FRAS1: variants seen among roughly 807,000 people sequenced by gnomAD.
FRAS1 encodes the protein extracellular matrix organizing protein FRAS1.
FRAS1 carries 290 observed loss-of-function variants against 435.2 expected under a neutral mutation model. That is an observed-to-expected ratio of 0.67 (90% confidence interval 0.61 to 0.73). The LOEUF is 0.73. Among genes scored for constraint, FRAS1 ranks in the 30% least tolerant of loss-of-function variants. The probability of loss-of-function intolerance (pLI) is 0.00; values close to 1 mark genes in which losing one functional copy is unlikely to be tolerated. For missense variants in FRAS1, 4,860 were observed against 5,001.5 expected (o/e 0.97, Z 0.85); for synonymous variants, 1,800 against 1,851.0 (o/e 0.97, Z 0.71).
intron 2 of FRAS1, among the ~76,000 whole-genome samples, chr4:78,086,046 G>A (rs951550121): frequency 1.2e-4 from 19 of 152,134 alleles, no homozygotes; most frequent in Non-Finnish European, 2.5e-4. Context: ...CTCAGCAAAT[G>A]TAAAAGAACA....
At chr4:78,449,056 T>G (rs1189852308) in intron 44 of FRAS1, among the ~76,000 whole-genome samples, 1 of 152,236 alleles carries the variant, frequency 6.6e-6, no homozygotes, top group Non-Finnish European at 1.5e-5. Flanking sequence ...AGTCTGAGAT[T>G]TGACTTTATC....
At chr4:78,471,369 A>T (rs993340821) in intron 51 of FRAS1, among the ~76,000 whole-genome samples, 2 of 151,800 alleles carry the variant, frequency 1.3e-5, no homozygotes, top group Admixed American at 1.3e-4. Flanking sequence ...GTTGGGTTTT[A>T]AAAAAAACAA....
intron 47 of FRAS1, among the ~76,000 whole-genome samples, chr4:78,456,153 T>C (rs1253511326): frequency 4.2e-5 from 6 of 142,918 alleles, no homozygotes; most frequent in African/African-American, 7.9e-5. Context: ...TTTTTTTTTT[T>C]TTTTTTTTGA....
intron 70 of FRAS1, 58 bp downstream of exon 70, chr4:78,526,715 ACT>A: frequency 9.1e-7 from 1 of 1,103,042 alleles, no homozygotes. Flanking sequence ...GAATTCTCCT[ACT>A]CACTAAAATT....
rs1264052866 is a variant in FRAS1 at position 78,477,945 on chromosome 4, C to T, written c.7982C>T (p.Thr2661Ile). 6.2e-7 allele frequency: 1 copy of T among 1,613,486 alleles called. No individual in the cohort carries two copies. ...GCTTATGCCCTGTTAGGGGAATTCACCCAGGCGAAGGTCATTATCAACGAT... is the reference window on the plus strand; with the variant it reads ...GCTTATGCCCTGTTAGGGGAATTCATCCAGGCGAAGGTCATTATCAACGAT... ...MPAYALLGEF[T>I]QAKVIINDTE... The change falls in exon 55 of 74, where the codon ACC (threonine) becomes ATC (isoleucine). Residue 2661 changes from threonine (T) to isoleucine (I), a missense_variant. Transcript: ENST00000512123.
At chr4:78,085,672 CAAAG>C (rs1310775329) in intron 2 of FRAS1, among the ~76,000 whole-genome samples, 1 of 151,980 alleles carries the variant, frequency 6.6e-6, no homozygotes, top group Non-Finnish European at 1.5e-5. Flanking sequence ...TGTTAAGAGA[CAAAG>C]AAGGCCATTA....
At chr4:78,207,054 C>T (rs1723289666) in intron 2 of FRAS1, among the ~76,000 whole-genome samples, 1 of 152,172 alleles carries the variant, frequency 6.6e-6, no homozygotes, top group Non-Finnish European at 1.5e-5. Flanking sequence ...AAAAATTAGA[C>T]CAACTGCATA....
intron 2 of FRAS1, among the ~76,000 whole-genome samples, chr4:78,200,792 G>A (rs900231345): frequency 8.1e-5 from 12 of 147,426 alleles, no homozygotes; most frequent in African/African-American, 3.1e-4. Flanking sequence ...ACTCAAAGTA[G>A]CTGTACTTCA....
intron 2 of FRAS1, among the ~76,000 whole-genome samples, chr4:78,121,923 G>A (rs1356521969): frequency 6.6e-6 from 1 of 152,162 alleles, no homozygotes; most frequent in Non-Finnish European, 1.5e-5. Context: ...GTTTGTTTTA[G>A]ACGACAATCA....
rs183261334 is a variant in FRAS1, at chr4:78,431,650, G to A, written c.4970-707G>A. 4.9e-4 allele frequency among the ~76,000 whole-genome samples: 74 copies of A among 152,214 alleles called. 1 individual carries two copies. The East Asian group carries it at 0.012, about 24-fold the overall frequency. Reference sequence around the variant, plus strand: ...ATCATTAGGGCTCATGGCACTAAGAGGCATTTCTCATAAAAAGGGTTCCAT... The same window carrying A: ...ATCATTAGGGCTCATGGCACTAAGAAGCATTTCTCATAAAAAGGGTTCCAT... On this transcript the variant is annotated intron_variant, in intron 37 of 73. Transcript: ENST00000512123.
intron 2 of FRAS1, among the ~76,000 whole-genome samples, chr4:78,201,385 G>T (rs2110076023): frequency 6.6e-6 from 1 of 152,366 alleles, no homozygotes; most frequent in South Asian, 2.1e-4. Flanking sequence ...TTCAAAAAGT[G>T]TATGGAATTT....
At chr4:78,488,399 T>G (rs984584259) in intron 58 of FRAS1, among the ~76,000 whole-genome samples, 1 of 152,200 alleles carries the variant, frequency 6.6e-6, no homozygotes, top group African/African-American at 2.4e-5. Context: ...ATGTCCCCAC[T>G]CTTTCCTATT....
At chr4:78,375,954 A>G (rs1328904415) in intron 26 of FRAS1, 75 bp downstream of exon 26, 20 of 1,527,950 alleles carry the variant, frequency 1.3e-5, no homozygotes, top group Non-Finnish European at 1.7e-5. Flanking sequence ...TTGCAGACAT[A>G]ATTGACTTAT....
At chr4:78,262,961 AAATG>A (rs1726184097) in intron 6 of FRAS1, among the ~76,000 whole-genome samples, 1 of 152,230 alleles carries the variant, frequency 6.6e-6, no homozygotes, top group Non-Finnish European at 1.5e-5. Flanking sequence ...GACAATATGT[AAATG>A]AATGGGCATA....
At chr4:78,283,478 T>G (rs1727427211) in intron 12 of FRAS1, among the ~76,000 whole-genome samples, 1 of 152,256 alleles carries the variant, frequency 6.6e-6, no homozygotes, top group Admixed American at 6.5e-5. Context: ...CAATTCTGCT[T>G]TCAAATCACC....
intron 14 of FRAS1, among the ~76,000 whole-genome samples, chr4:78,306,596 G>A (rs372833898): frequency 2.1e-5 from 3 of 141,010 alleles, no homozygotes; most frequent in South Asian, 2.4e-4. Context: ...TTCCCTTCTC[G>A]CTTCATTTCA....
intron 35 of FRAS1, among the ~76,000 whole-genome samples, chr4:78,427,331 C>A (rs1265460953): frequency 6.6e-6 from 1 of 152,186 alleles, no homozygotes; most frequent in Non-Finnish European, 1.5e-5. Context: ...CCCCCTCAAC[C>A]TTGGACTTCC....
Position 78,438,649 on chromosome 4 carries a change from G to A in FRAS1, c.5297G>A (p.Gly1766Glu), listed in dbSNP as rs748326054. Residue 1766 changes from glycine to glutamate, a missense_variant, in exon 39 of 74, where the codon GGA becomes GAA. Transcript: ENST00000512123. ...TATGGTACTCTCTTAAGAATCTCAG[G>A]ATCTGAGGTGGAAGAGCTCTCAGAA... ...PSYGTLLRIS[G>E]SEVEELSEVS... 1.2e-6 allele frequency: 2 copies of A among 1,613,076 alleles called. No homozygotes were observed. Among genetic ancestry groups the A allele is most frequent in the Non-Finnish European group, 1.7e-6 (2 of 1,179,330 alleles).
chr4:78,114,868 T>G (rs1389167763), intron 2 of FRAS1, among the ~76,000 whole-genome samples: 1 of 152,218 alleles, frequency 6.6e-6, no homozygotes, highest in Non-Finnish European at 1.5e-5. Flanking sequence ...AACACTATGT[T>G]GAATAGGAGT....
Sources: gnomAD v4.1 joint callset for allele counts (sites outside exome capture counted in the v4.1 genomes callset) on GRCh38, gnomAD v4.1.1 for gene constraint, MANE v1.5 for transcripts, NCBI Gene and HGNC (gene_info 2026-07-23, HGNC 2026-07-21) for gene names.